Variants in ATG2B observed in about 807,000 individuals in gnomAD.
ATG2B encodes the protein autophagy related 2B.
ATG2B carries 121 observed loss-of-function variants against 241.3 expected under a neutral mutation model. The observed-to-expected ratio is 0.50, with a 90% confidence interval of 0.43 to 0.58. The LOEUF (loss-of-function observed/expected upper bound fraction) is 0.58, where lower values mean the gene tolerates loss of function less well. ATG2B is among the 20% of genes least tolerant of loss of function. The pLI, the probability that ATG2B is intolerant of heterozygous loss-of-function variation, is 0.00. For synonymous variants in ATG2B, 858 were observed against 876.6 expected (o/e 0.98, Z 0.37); for missense variants, 2,306 against 2,491.6 (o/e 0.93, Z 1.59).
intron 34 of ATG2B, among the ~76,000 whole-genome samples, chr14:96,300,253 C>T (rs1391089682): frequency 1.3e-5 from 2 of 152,146 alleles, no homozygotes; most frequent in African/African-American, 2.4e-5. Context: ...GGCACAGTGG[C>T]TTATGCCTAT....
In ATG2B at chr14:96,305,697, G is replaced by T. The variant is rs760901210; in HGVS notation, c.4625C>A (p.Pro1542His). Residue 1542 changes from proline to histidine, a missense_variant, in exon 31 of 42, where the codon CCC becomes CAC. Pro to His is a moderately conservative substitution (Grantham distance 77, BLOSUM62 -2). This residue lies in a region of ATG2B where 1,927 missense variants were observed against 2,011.2 expected (regional missense o/e 0.96). Coordinates refer to ENST00000359933, the MANE Select transcript of ATG2B (RefSeq NM_018036.7). Reference protein sequence around the residue: ...TDTSKAPLHFPIPVIRYVVKE... With the variant: ...TDTSKAPLHFHIPVIRYVVKE... Reference sequence around the variant, plus strand: ...CACCACATAGCGAATCACAGGAATGGGAAAGTGTAAGGGGGCTTTGCTCGT... The same window carrying T: ...CACCACATAGCGAATCACAGGAATGTGAAAGTGTAAGGGGGCTTTGCTCGT... 2 of 1,614,168 alleles carry T rather than the reference G, an allele frequency of 1.2e-6. No individual in the cohort carries two copies. Among genetic ancestry groups the T allele is most frequent in the South Asian group, 2.2e-5 (2 of 91,084 alleles).
At chr14:96,301,935 T>C in intron 34 of ATG2B, 72 bp downstream of exon 34, 1 of 1,206,906 alleles carries the variant, frequency 8.3e-7, no homozygotes, top group South Asian at 1.3e-5. Flanking sequence ...ATGATAAACA[T>C]TACAATTTCT....
intron 21 of ATG2B, among the ~76,000 whole-genome samples, 194 bp downstream of exon 21, chr14:96,316,339 C>T (rs1887312385): frequency 6.6e-6 from 1 of 152,046 alleles, no homozygotes; most frequent in Non-Finnish European, 1.5e-5. Flanking sequence ...TGAATTATAC[C>T]TCAACAAAGC....
At chr14:96,313,459 G>T in intron 23 of ATG2B, 24 bp from the exon 24 acceptor site, 1 of 1,313,090 alleles carries the variant, frequency 7.6e-7, no homozygotes, top group South Asian at 1.4e-5. Flanking sequence ...AAATTAAAAC[G>T]CCCTGCTTTA....
intron 16 of ATG2B, among the ~76,000 whole-genome samples, chr14:96,323,315 G>A (rs760232270): frequency 7.2e-5 from 11 of 152,120 alleles, no homozygotes; most frequent in African/African-American, 1.2e-4. Flanking sequence ...AAACTAATGA[G>A]CTTTTTACTC....
intron 23 of ATG2B, among the ~76,000 whole-genome samples, chr14:96,314,425 T>C (rs147080285): frequency 1.3e-5 from 2 of 152,342 alleles, no homozygotes; most frequent in Non-Finnish European, 2.9e-5. Flanking sequence ...CCTGATAAAA[T>C]GCTTTAAAGC....
chr14:96,343,950 T>C (rs79570059), intron 4 of ATG2B, among the ~76,000 whole-genome samples: 2 of 152,234 alleles, frequency 1.3e-5, no homozygotes, highest in African/African-American at 2.4e-5. Context: ...AGACCCCCAG[T>C]AGATCCATGT....
intron 27 of ATG2B, 59 bp downstream of exon 27, chr14:96,311,483 A>C: frequency 7.1e-7 from 1 of 1,415,982 alleles, no homozygotes; most frequent in Non-Finnish European, 9.7e-7. Context: ...TGTTAAACTC[A>C]ATTTTTTTAA....
At chr14:96,308,051 C>T (rs1008454394) in intron 29 of ATG2B, among the ~76,000 whole-genome samples, 13 of 150,692 alleles carry the variant, frequency 8.6e-5, no homozygotes, top group African/African-American at 3.2e-4. Context: ...CTTACAGGTA[C>T]CCAGGGCCTA....
Position 96,317,330 on chromosome 14 carries a change from AACAT to A in ATG2B, c.3038-17_3038-14del. 2 of 1,597,964 alleles carry A rather than the reference AACAT, an allele frequency of 1.3e-6. No individual in the cohort carries two copies. The highest frequency in any genetic ancestry group is 1.7e-6 in the Non-Finnish European group (2 of 1,172,112). ...CCACTTTCCTCATCTATGAGAAATA[AACAT>A]ACAATTACATTCTGATAGCATATTA... On this transcript the variant is annotated splice_polypyrimidine_tract_variant and intron_variant, in intron 19 of 41. Transcript: ENST00000359933.
intron 1 of ATG2B, among the ~76,000 whole-genome samples, chr14:96,361,715 CTCTCCA>C: frequency 6.6e-6 from 1 of 152,178 alleles, no homozygotes; most frequent in Non-Finnish European, 1.5e-5. Flanking sequence ...TCTGGAGAGT[CTCTCCA>C]GGGGTAGGAC....
intron 36 of ATG2B, chr14:96,293,260 A>C (rs1886537474): frequency 6.6e-6 from 1 of 152,230 alleles, no homozygotes; most frequent in African/African-American, 2.4e-5. Context: ...CACTACCAGA[A>C]GCCTCAGACC....
Position 96,317,844 on chromosome 14 carries a change from TC to T in ATG2B, c.2890del (p.Asp964ThrfsTer27). On this transcript the variant is annotated frameshift_variant, in exon 19 of 42. Transcript: ENST00000359933. LOFTEE classifies it high-confidence loss of function. ...YEKLYNRIFNDLLLWEPTAPS... is the reference protein window; with the variant it reads ...YEKLYNRIFNXLLLWEPTAPS... ...AGCTGTTGGTTCCCACAGTAGCAAG[TC>T]ATTAAAGATCCTATAAAGACAAAAG... 6.2e-7 allele frequency: 1 copy of T among 1,603,786 alleles called. No homozygotes were observed. Among genetic ancestry groups the T allele is most frequent in the Non-Finnish European group, 8.5e-7 (1 of 1,174,560 alleles).
Position 96,363,137 on chromosome 14 carries a change from G to A in ATG2B, c.-161C>T. The A allele has an allele frequency of 1.4e-6, 1 of 738,014 alleles. No individual in the cohort carries two copies. The highest frequency in any genetic ancestry group is 2.2e-6 in the Non-Finnish European group (1 of 451,294). 45.7% of individuals were successfully genotyped at this position (738,014 alleles called of 1,614,324 possible). A position where few individuals can be genotyped will look rare whatever the true frequency, so the allele number is the denominator to read the frequency against. On this transcript the variant is annotated 5_prime_UTR_variant, in exon 1 of 42. Coordinates refer to ENST00000359933, the MANE Select transcript of ATG2B (RefSeq NM_018036.7). ...CCCTCAGGGAGACCCCATCGCCGGC[G>A]CCGCACCGCTCGCGCTGGGCCTGGC...
At chr14:96,287,253 CAA>C (rs34710412) in intron 41 of ATG2B, among the ~76,000 whole-genome samples, 154 of 78,216 alleles carry the variant, frequency 2.0e-3, no homozygotes, top group African/African-American at 6.8e-3. Flanking sequence ...GACTCCGTCT[CAA>C]AAAAAAAAAA....
At chr14:96,325,588 AGT>A in intron 15 of ATG2B, 59 bp downstream of exon 15, 1 of 1,481,140 alleles carries the variant, frequency 6.8e-7, no homozygotes, top group Non-Finnish European at 9.1e-7. Context: ...TGTGATGTTA[AGT>A]TTCAGTAGCA....
intron 1 of ATG2B, among the ~76,000 whole-genome samples, chr14:96,348,404 C>T (rs1412781303): frequency 3.9e-5 from 6 of 152,092 alleles, no homozygotes; most frequent in Non-Finnish European, 7.4e-5. Flanking sequence ...GCCCAAGGGC[C>T]AGGCATGGTG....
rs1248949100 is a variant in ATG2B at position 96,322,219 on chromosome 14, T to C, written c.2772A>G (p.Glu924=). 1.3e-6 allele frequency: 2 copies of C among 1,596,874 alleles called. No individual in the cohort carries two copies. Among genetic ancestry groups the C allele is most frequent in the African/African-American group, 2.7e-5 (2 of 73,578 alleles). ...VMPGDPVEMT[E]FQDKAISNSH... ...AATTGCTGATTGCTTTATCCTGAAATTCTGTCATTTCTACAGGGTCTCCTG... is the reference window on the plus strand; with the variant it reads ...AATTGCTGATTGCTTTATCCTGAAACTCTGTCATTTCTACAGGGTCTCCTG... The change falls in exon 18 of 42, where the codon GAA becomes GAG. Residue 924 remains glutamate (E), a synonymous_variant. Coordinates refer to ENST00000359933, the MANE Select transcript of ATG2B (RefSeq NM_018036.7).
intron 1 of ATG2B, among the ~76,000 whole-genome samples, chr14:96,355,450 C>T (rs1888448517): frequency 6.6e-6 from 1 of 152,100 alleles, no homozygotes. Context: ...GTGTGAGAAG[C>T]CCACTCCTTT....
Sources: allele counts gnomAD v4.1 joint callset (sites outside exome capture counted in the v4.1 genomes callset), GRCh38; gene constraint gnomAD v4.1.1; regional missense constraint gnomAD v4.1.1; transcripts MANE v1.5; gene names NCBI Gene and HGNC (gene_info 2026-07-23, HGNC 2026-07-21).